Variants in IMMP2L observed in about 807,000 individuals in gnomAD.
IMMP2L encodes the protein mitochondrial inner membrane protease subunit 2.
In IMMP2L, 18 loss-of-function variants were observed where a neutral mutation model predicts 19.3. That is an observed-to-expected ratio of 0.93 (90% confidence interval 0.64 to 1.38). The LOEUF is 1.38. Among genes scored for constraint, IMMP2L ranks in the 40% most tolerant of loss-of-function variants. The pLI, the probability that IMMP2L is intolerant of heterozygous loss-of-function variation, is 0.00. For missense variants in IMMP2L, 233 were observed against 218.2 expected (o/e 1.07, Z -0.43); for synonymous variants, 76 against 73.0 (o/e 1.04, Z -0.21).
chr7:111,242,728 C>A (rs1312808759), intron 3 of IMMP2L, among the ~76,000 whole-genome samples: 1 of 151,864 alleles, frequency 6.6e-6, no homozygotes, highest in African/African-American at 2.4e-5. Context: ...CCAATTCAAC[C>A]AAAGCCTATG....
intron 3 of IMMP2L, among the ~76,000 whole-genome samples, chr7:111,372,209 A>G (rs1027907396): frequency 6.6e-6 from 1 of 152,052 alleles, no homozygotes; most frequent in African/African-American, 2.4e-5. Context: ...ATTATTATAC[A>G]TTGCATACCC....
At position 111,030,884 on chromosome 7, in the gene IMMP2L, GTATATATATA is replaced by G. The variant is rs57774530; in HGVS notation, c.240-67329_240-67320del. On this transcript the variant is annotated intron_variant, in intron 3 of 5. Transcript: ENST00000405709. ...TGTGTGTGTATGTGTGTGTGTGTGTGTATATATATATATATATATATATATATATATATAT... is the reference window on the plus strand; with the variant it reads ...TGTGTGTGTATGTGTGTGTGTGTGTGTATATATATATATATATATATATAT... Among the ~76,000 whole-genome samples, 1,193 of 126,978 alleles carry G rather than the reference GTATATATATA, an allele frequency of 9.4e-3. 12 individuals are homozygous for G. The highest frequency in any genetic ancestry group is 0.023 in the African/African-American group (768 of 32,732). The allele number at this position is 126,978 out of a possible 152,430, so 83.3% of individuals were successfully genotyped here.
intron 3 of IMMP2L, among the ~76,000 whole-genome samples, chr7:111,277,810 A>G (rs1164841161): frequency 1.3e-5 from 2 of 152,182 alleles, no homozygotes; most frequent in Non-Finnish European, 1.5e-5. Flanking sequence ...ACTATTCACA[A>G]TAGCAAAGCT....
chr7:110,835,841 T>C (rs1016778101), intron 5 of IMMP2L, among the ~76,000 whole-genome samples: 1 of 152,146 alleles, frequency 6.6e-6, no homozygotes, highest in Non-Finnish European at 1.5e-5. Flanking sequence ...CAACAAATCT[T>C]TCTTCACATG....
At chr7:110,695,303 C>T (rs1039922456) in intron 5 of IMMP2L, among the ~76,000 whole-genome samples, 1 of 152,142 alleles carries the variant, frequency 6.6e-6, no homozygotes, top group Non-Finnish European at 1.5e-5. Flanking sequence ...GCTGTCCCCC[C>T]GCCTTAGCCT....
intron 5 of IMMP2L, among the ~76,000 whole-genome samples, chr7:110,754,899 C>T (rs1002071701): frequency 6.0e-5 from 9 of 150,650 alleles, no homozygotes; most frequent in African/African-American, 9.8e-5. Context: ...GGTTACAGCA[C>T]GTTCTATTTT....
intron 5 of IMMP2L, among the ~76,000 whole-genome samples, chr7:110,744,640 G>C (rs528047371): frequency 6.6e-6 from 1 of 152,348 alleles, no homozygotes; most frequent in Admixed American, 6.5e-5. Flanking sequence ...AACTCCAGCA[G>C]ACCTGCAGCA....
Position 111,432,472 on chromosome 7 carries a change from T to C in IMMP2L, c.239+54766A>G, listed in dbSNP as rs926007831. Among the ~76,000 whole-genome samples the C allele has an allele frequency of 7.3e-5, 11 of 151,718 alleles. 1 individual carries two copies. Among genetic ancestry groups the C allele is most frequent in the African/African-American group, 2.2e-4 (9 of 41,072 alleles). On this transcript the variant is annotated intron_variant, in intron 3 of 5. Coordinates refer to ENST00000405709, the MANE Select transcript of IMMP2L (RefSeq NM_032549.4). ...AGAATTAAGGACAAAACCCATATGA[T>C]CATCTCAACAGATGCAGAAAATGCC...
chr7:110,696,037 T>C (rs537479884), intron 5 of IMMP2L, among the ~76,000 whole-genome samples: 77 of 152,288 alleles, frequency 5.1e-4, no homozygotes, highest in African/African-American at 1.8e-3. Context: ...TTTTCAAAAG[T>C]GGAAACAGTA....
At chr7:110,959,854 T>C (rs1818748129) in intron 4 of IMMP2L, among the ~76,000 whole-genome samples, 1 of 151,970 alleles carries the variant, frequency 6.6e-6, no homozygotes, top group Non-Finnish European at 1.5e-5. Flanking sequence ...CTCCCAACTT[T>C]GCATCATTAA....
intron 3 of IMMP2L, among the ~76,000 whole-genome samples, chr7:111,349,688 G>C (rs1035210524): frequency 6.6e-6 from 1 of 152,104 alleles, no homozygotes; most frequent in Non-Finnish European, 1.5e-5. Flanking sequence ...CTGCTTTAAA[G>C]AGAGACAAGA....
rs540545687 is a variant in IMMP2L, at chr7:110,871,107, G to A, written c.408+15486C>T. Among the ~76,000 whole-genome samples the A allele has an allele frequency of 2.0e-5, 3 of 152,180 alleles. No individual in the cohort carries two copies. The South Asian group carries it at 6.2e-4, about 32-fold the overall frequency. On this transcript the variant is annotated intron_variant, in intron 5 of 5. Transcript: ENST00000405709. Reference sequence around the variant, plus strand: ...CAATAAAAAGTGAGACCCCAAGGATGCCGCCTAACTTTTTGTCTTGAGTAA... The same window carrying A: ...CAATAAAAAGTGAGACCCCAAGGATACCGCCTAACTTTTTGTCTTGAGTAA...
intron 1 of IMMP2L, among the ~76,000 whole-genome samples, chr7:111,550,780 A>G (rs1232135783): frequency 6.6e-6 from 1 of 152,130 alleles, no homozygotes; most frequent in Non-Finnish European, 1.5e-5. Flanking sequence ...TGCTCCTCAT[A>G]ACATCTGCTC....
intron 3 of IMMP2L, among the ~76,000 whole-genome samples, chr7:111,057,204 T>A (rs1793594784): frequency 6.6e-6 from 1 of 152,172 alleles, no homozygotes; most frequent in African/African-American, 2.4e-5. Flanking sequence ...CTTCCCACAT[T>A]TGATTCATTG....
intron 3 of IMMP2L, among the ~76,000 whole-genome samples, chr7:111,401,923 T>C (rs1162532698): frequency 3.3e-5 from 5 of 151,854 alleles, no homozygotes; most frequent in Non-Finnish European, 7.4e-5. Context: ...GAGAGACTGT[T>C]TATCATGTTA....
rs532517135 is a variant in IMMP2L, at chr7:111,252,336, G to T, written c.239+234902C>A. On this transcript the variant is annotated intron_variant, in intron 3 of 5. Coordinates refer to ENST00000405709, the MANE Select transcript of IMMP2L (RefSeq NM_032549.4). ...CACACAAATGTTTAAGTGTGTATTG[G>T]AGTAATCTATTAGAAATATGCCAAT... 1.4e-4 allele frequency among the ~76,000 whole-genome samples: 21 copies of T among 152,224 alleles called. No individual in the cohort carries two copies. In the South Asian group the frequency reaches 4.4e-3, roughly 32 times the overall value.
At chr7:110,797,817 T>C (rs1800960587) in intron 5 of IMMP2L, among the ~76,000 whole-genome samples, 4 of 151,986 alleles carry the variant, frequency 2.6e-5, no homozygotes, top group Admixed American at 2.6e-4. Context: ...AGAAAACACA[T>C]GAAGGATCGC....
chr7:111,136,431 A>AC (rs1802353517), intron 3 of IMMP2L, among the ~76,000 whole-genome samples: 1 of 147,710 alleles, frequency 6.8e-6, no homozygotes, highest in African/African-American at 2.7e-5. Flanking sequence ...TATTTTAGAA[A>AC]TAAAAAAAAA....
rs1308852156 is a variant in IMMP2L, at chr7:111,465,652, A to G, written c.239+21586T>C. Among the ~76,000 whole-genome samples, 6 of 151,974 alleles carry G rather than the reference A, an allele frequency of 3.9e-5. 1 individual carries two copies. Among genetic ancestry groups the G allele is most frequent in the East Asian group, 1.9e-4 (1 of 5,196 alleles). ...ACCATCTCACACCAGTTAAAATGGC[A>G]ATCATTAAAAAGTCAGGAAACAACA... On this transcript the variant is annotated intron_variant, in intron 3 of 5. Transcript: ENST00000405709.
Sources: gnomAD v4.1 joint callset for allele counts (sites outside exome capture counted in the v4.1 genomes callset) on GRCh38, gnomAD v4.1.1 for gene constraint, MANE v1.5 for transcripts, NCBI Gene and HGNC (gene_info 2026-07-23, HGNC 2026-07-21) for gene names.